PCGF5: variants seen among roughly 807,000 people sequenced by gnomAD.
PCGF5 encodes polycomb group RING finger protein 5.
In PCGF5, 9 loss-of-function variants were observed where a neutral mutation model predicts 44.3. The observed-to-expected ratio is 0.20, with a 90% confidence interval of 0.12 to 0.35. PCGF5 has a LOEUF of 0.35. PCGF5 is among the 10% of genes least tolerant of loss of function. The pLI is 1.00. For missense variants in PCGF5, 146 were observed against 305.3 expected, an observed-to-expected ratio of 0.48 and a Z score of 3.89; for synonymous variants, 95 against 102.5, an observed-to-expected ratio of 0.93 and a Z score of 0.44.
intron 8 of PCGF5, among the ~76,000 whole-genome samples, chr10:91,265,624 A>G (rs1846032556): frequency 6.6e-6 from 1 of 152,196 alleles, no homozygotes; most frequent in Non-Finnish European, 1.5e-5. Context: ...CCATATTTCC[A>G]AAACATATTT....
chr10:91,168,495 G>A (rs754917268), intron 1 of PCGF5, among the ~76,000 whole-genome samples: 4 of 152,144 alleles, frequency 2.6e-5, no homozygotes, highest in South Asian at 2.1e-4. Context: ...GGACAAGTCC[G>A]CTAGTTACCT....
chr10:91,278,697 T>C lies in PCGF5; in HGVS notation c.*381T>C, dbSNP rs192315041. The C allele has an allele frequency of 6.9e-5, 13 of 189,618 alleles. No individual in the cohort carries two copies. In the Admixed American group the frequency reaches 7.5e-4, roughly 11 times the overall value. The allele number at this position is 189,618 out of a possible 1,614,324, so 11.7% of individuals were successfully genotyped here. A position where few individuals can be genotyped will look rare whatever the true frequency, so the allele number is the denominator to read the frequency against. On this transcript the variant is annotated 3_prime_UTR_variant, in exon 10 of 10. Coordinates refer to ENST00000336126, the MANE Select transcript of PCGF5 (RefSeq NM_032373.5). ...TGTGGTGTTGCAGTTTTCACATACT[T>C]ACTCTTTTATTCTTGTTTAAATAGC... is the stretch of plus-strand genomic sequence containing the variant.
At chr10:91,184,774 A>G (rs935602620) in intron 1 of PCGF5, among the ~76,000 whole-genome samples, 1 of 150,266 alleles carries the variant, frequency 6.7e-6, no homozygotes, top group Non-Finnish European at 1.5e-5. Context: ...TAGTGCTGCT[A>G]TGGTTTGCTA....
rs532828471 is a variant in PCGF5 at position 91,205,610 on chromosome 10, G to C, written c.-183-17079G>C. On this transcript the variant is annotated intron_variant, in intron 1 of 9. Coordinates refer to the PCGF5 transcript ENST00000614189. ...TATTCCTCTATCCATCAAACACCTAGAGAGTTTCTACTTTATGCCAGATTC... is the reference window on the plus strand; with the variant it reads ...TATTCCTCTATCCATCAAACACCTACAGAGTTTCTACTTTATGCCAGATTC... Among the ~76,000 whole-genome samples, 32 of 152,284 alleles carry C rather than the reference G, an allele frequency of 2.1e-4. No homozygotes were observed. In the Middle Eastern group the frequency reaches 0.014, roughly 65 times the overall value.
At chr10:91,261,449 G>T in intron 7 of PCGF5, 25 bp downstream of exon 7, 1 of 1,397,416 alleles carries the variant, frequency 7.2e-7, no homozygotes, top group Non-Finnish European at 9.4e-7. Flanking sequence ...ATCTAAGCTT[G>T]ATCATTTTGA....
chr10:91,268,596 C>A (rs1318620891), intron 8 of PCGF5, among the ~76,000 whole-genome samples: 2 of 152,030 alleles, frequency 1.3e-5, no homozygotes, highest in Non-Finnish European at 2.9e-5. Flanking sequence ...ACTCTCTGCC[C>A]CGTGGAGTCT....
intron 3 of PCGF5, 120 bp from the exon 4 acceptor site, chr10:91,248,385 A>G (rs1213751569): frequency 2.2e-6 from 2 of 897,582 alleles, no homozygotes; most frequent in Non-Finnish European, 3.6e-6. Flanking sequence ...ATGGTATAGT[A>G]GATGTGCTAA....
At chr10:91,259,276 A>G (rs1472721675) in intron 6 of PCGF5, among the ~76,000 whole-genome samples, 2 of 152,124 alleles carry the variant, frequency 1.3e-5, no homozygotes, top group African/African-American at 2.4e-5. Flanking sequence ...CAAGGTCCAC[A>G]CTATGCAACT....
intron 1 of PCGF5, among the ~76,000 whole-genome samples, chr10:91,210,574 G>C (rs1844433340): frequency 6.6e-6 from 1 of 152,206 alleles, no homozygotes; most frequent in Non-Finnish European, 1.5e-5. Flanking sequence ...AGGGCCAGCA[G>C]AACCTGTGGT....
At chr10:91,220,973 G>T in intron 1 of PCGF5, 137 bp downstream of exon 1, 1 of 152,238 alleles carries the variant, frequency 6.6e-6, no homozygotes, top group East Asian at 1.9e-4. Context: ...TCGGGTGCAG[G>T]GGGCTACCGA....
At chr10:91,196,559 A>G (rs1390318837) in intron 1 of PCGF5, among the ~76,000 whole-genome samples, 1 of 152,172 alleles carries the variant, frequency 6.6e-6, no homozygotes, top group Non-Finnish European at 1.5e-5. Flanking sequence ...TTGTATCTTC[A>G]GAGAAAGTTT....
At chr10:91,212,123 A>G (rs1456143356) in intron 1 of PCGF5, among the ~76,000 whole-genome samples, 1 of 152,260 alleles carries the variant, frequency 6.6e-6, no homozygotes, top group Non-Finnish European at 1.5e-5. Context: ...TTAGCAAAAT[A>G]CTGTGTACTT....
chr10:91,280,921 T>C lies in PCGF5; in HGVS notation c.*2605T>C, dbSNP rs951430406. 2 of 152,592 alleles carry C rather than the reference T, an allele frequency of 1.3e-5. No individual in the cohort carries two copies. The highest frequency in any genetic ancestry group is 3.4e-3 in the Middle Eastern group (1 of 292). The allele number at this position is 152,592 out of a possible 1,614,324, so 9.5% of individuals were successfully genotyped here. A position where few individuals can be genotyped will look rare whatever the true frequency, so the allele number is the denominator to read the frequency against. Reference sequence around the variant, plus strand: ...AATCTGTAACATCAGAGACTAAAACTAAAAGTTTTCTTTAATCTGTTGTTT... The same window carrying C: ...AATCTGTAACATCAGAGACTAAAACCAAAAGTTTTCTTTAATCTGTTGTTT... On this transcript the variant is annotated 3_prime_UTR_variant, in exon 10 of 10. Transcript: ENST00000336126.
intron 1 of PCGF5, among the ~76,000 whole-genome samples, chr10:91,221,441 G>C (rs7078274): frequency 1 from 152,360 of 152,362 alleles, 76,179 homozygotes; most frequent in Middle Eastern, 1. Flanking sequence ...TCATACAGGG[G>C]TAAGGGCCAG....
rs1846441437 is a variant in PCGF5 at position 91,281,079 on chromosome 10, A to G, written c.*2763A>G. ...AGAATGACTGTGGTTTATAAACATT[A>G]CTTTAATTGAAGTAATCACATCAGT... On this transcript the variant is annotated 3_prime_UTR_variant, in exon 10 of 10. Coordinates refer to ENST00000336126, the MANE Select transcript of PCGF5 (RefSeq NM_032373.5). 1 of 152,502 alleles carries G rather than the reference A, an allele frequency of 6.6e-6. No individual in the cohort carries two copies. 9.4% of individuals were successfully genotyped at this position (152,502 alleles called of 1,614,324 possible).
In PCGF5 at chr10:91,164,153, G is replaced by A. The variant is rs571458938; in HGVS notation, c.-184+1072G>A. On this transcript the variant is annotated intron_variant, in intron 1 of 9. Coordinates refer to the PCGF5 transcript ENST00000614189. The stretch of plus-strand genomic sequence containing the variant: ...ACTCGCTATGTACCTCTGACCCAGG[G>A]AGAGTGGCCCCTCTGCAGTGATGAC... Among the ~76,000 whole-genome samples, 10 of 152,328 alleles carry A rather than the reference G, an allele frequency of 6.6e-5. No individual in the cohort carries two copies. The South Asian group carries it at 8.3e-4, about 13-fold the overall frequency.
At chr10:91,262,297 G>T (rs555900335) in intron 7 of PCGF5, among the ~76,000 whole-genome samples, 3 of 152,052 alleles carry the variant, frequency 2.0e-5, no homozygotes, top group Non-Finnish European at 4.4e-5. Flanking sequence ...GTGGTGGCAG[G>T]TGCCTGTATT....
chr10:91,258,221 G>C (rs974007361), intron 6 of PCGF5, among the ~76,000 whole-genome samples: 3 of 152,042 alleles, frequency 2.0e-5, no homozygotes, highest in African/African-American at 4.8e-5. Flanking sequence ...TCATAGTAAT[G>C]GTTGTACAAC....
At chr10:91,168,549 A>G (rs1843541904) in intron 1 of PCGF5, among the ~76,000 whole-genome samples, 1 of 152,236 alleles carries the variant, frequency 6.6e-6, no homozygotes, top group Non-Finnish European at 1.5e-5. Flanking sequence ...GCAAATGTAA[A>G]TTGTGACTGG....
Sources: gnomAD v4.1 joint callset for allele counts (sites outside exome capture counted in the v4.1 genomes callset) on GRCh38, gnomAD v4.1.1 for gene constraint, MANE v1.5 for transcripts, NCBI Gene and HGNC (gene_info 2026-07-23, HGNC 2026-07-21) for gene names.